Variants in PIK3C2G observed in about 807,000 individuals in gnomAD.
PIK3C2G encodes phosphatidylinositol-4-phosphate 3-kinase catalytic subunit type 2 gamma, also known as phosphatidylinositol 3-kinase C2 domain-containing subunit gamma.
Under a neutral mutation model 181.1 loss-of-function variants are expected in PIK3C2G, and 168 were observed. That is an observed-to-expected ratio of 0.93 (90% CI 0.82 to 1.05). The LOEUF is 1.05. Ranked by LOEUF, PIK3C2G falls within the 50% of genes least tolerant of loss-of-function variation. The pLI, the probability that PIK3C2G is intolerant of heterozygous loss-of-function variation, is 0.00. For synonymous variants in PIK3C2G, 573 were observed against 592.2 expected (o/e 0.97, Z 0.47); for missense variants, 1,869 against 1,732.8 (o/e 1.08, Z -1.40).
intron 3 of PIK3C2G, among the ~76,000 whole-genome samples, chr12:18,287,836 G>C (rs1359959470): frequency 2.0e-5 from 3 of 149,538 alleles, no homozygotes; most frequent in African/African-American, 7.4e-5. Flanking sequence ...ACTCCAGCCT[G>C]GGCGACAGAA....
intron 18 of PIK3C2G, among the ~76,000 whole-genome samples, chr12:18,469,360 G>T (rs1193559365): frequency 6.6e-6 from 1 of 152,022 alleles, no homozygotes; most frequent in East Asian, 1.9e-4. Flanking sequence ...TTTCTTACAG[G>T]AAAGAAACGA....
intron 31 of PIK3C2G, among the ~76,000 whole-genome samples, chr12:18,625,362 A>G (rs373913853): frequency 1.3e-5 from 2 of 151,636 alleles, no homozygotes; most frequent in South Asian, 4.1e-4. Flanking sequence ...TTCTACTCAC[A>G]TATCATTGTG....
the PIK3C2G span, chr12:18,714,940 T>C: frequency 1.3e-5 from 2 of 151,730 alleles, no homozygotes; most frequent in South Asian, 2.1e-4. Context: ...CAAGTACTTA[T>C]ATAAAATCAG....
chr12:18,607,951 T>C (rs77449986), intron 30 of PIK3C2G, among the ~76,000 whole-genome samples: 24,175 of 151,990 alleles, frequency 0.16, 2,162 homozygotes, highest in East Asian at 0.2. Context: ...CATGAAAAAA[T>C]GCTCATCATC....
At chr12:18,556,737 A>C (rs1056675668) in intron 26 of PIK3C2G, among the ~76,000 whole-genome samples, 1 of 152,156 alleles carries the variant, frequency 6.6e-6, no homozygotes, top group Non-Finnish European at 1.5e-5. Context: ...GCTGATGAAG[A>C]AATAATGTTT....
chr12:18,641,137 G>C (rs1047079311), intron 32 of PIK3C2G, among the ~76,000 whole-genome samples: 4 of 151,876 alleles, frequency 2.6e-5, no homozygotes, highest in Admixed American at 2.0e-4. Context: ...TCTTATGGCT[G>C]TCTCATCCAC....
At chr12:18,657,866 A>G in the PIK3C2G span, among the ~76,000 whole-genome samples, 1 of 152,290 alleles carries the variant, frequency 6.6e-6, no homozygotes, top group African/African-American at 2.4e-5. Flanking sequence ...AAGCTCATCT[A>G]TTGGACTTAC....
intron 31 of PIK3C2G, among the ~76,000 whole-genome samples, chr12:18,637,022 G>C (rs1949633862): frequency 1.3e-5 from 2 of 152,158 alleles, no homozygotes; most frequent in Admixed American, 1.3e-4. Context: ...CCCACTGTGA[G>C]ACAGACATGA....
chr12:18,256,976 A>G (rs1470669863), upstream of PIK3C2G, among the ~76,000 whole-genome samples: 2 of 152,080 alleles, frequency 1.3e-5, no homozygotes, highest in Non-Finnish European at 2.9e-5. Flanking sequence ...TGTTGGCAGG[A>G]CAACTCTTCC....
At chr12:18,385,021 GA>G (rs1437414716) in intron 14 of PIK3C2G, among the ~76,000 whole-genome samples, 1 of 152,028 alleles carries the variant, frequency 6.6e-6, no homozygotes, top group Non-Finnish European at 1.5e-5. Context: ...ATGAGATGGT[GA>G]AATTACAACC....
At chr12:18,351,127 C>T (rs563676440) in intron 11 of PIK3C2G, among the ~76,000 whole-genome samples, 355 of 151,910 alleles carry the variant, frequency 2.3e-3, no homozygotes, top group Non-Finnish European at 3.5e-3. Flanking sequence ...TGAGATGCAA[C>T]TTAGAAAACA....
At chr12:18,424,933 T>C in intron 18 of PIK3C2G, 1 of 206,514 alleles carries the variant, frequency 4.8e-6, no homozygotes, top group Non-Finnish European at 1.1e-5. Flanking sequence ...ATATGGCATG[T>C]CCAACGTTCA....
intron 32 of PIK3C2G, among the ~76,000 whole-genome samples, chr12:18,644,335 G>T (rs1045289167): frequency 6.6e-6 from 1 of 151,972 alleles, no homozygotes; most frequent in Admixed American, 6.6e-5. Flanking sequence ...CTCTTTCCAC[G>T]CCACTACTTT....
chr12:18,557,296 C>T (rs1945063266), intron 26 of PIK3C2G, among the ~76,000 whole-genome samples: 1 of 151,056 alleles, frequency 6.6e-6, no homozygotes, highest in Non-Finnish European at 1.5e-5. Flanking sequence ...TAATACGATC[C>T]CAGAGAATTG....
In PIK3C2G at chr12:18,290,953, A is replaced by G; in HGVS notation, c.860A>G (p.Lys287Arg). The stretch of plus-strand genomic sequence containing the variant: ...CCGTATCAGCTCTTTTCTAAGACCA[A>G]GTTTAATATACATATTTTTATTGAT... The part of the protein sequence containing the change: ...AFPYQLFSKT[K>R]FNIHIFIDNS... The change falls in exon 4 of 33, where the codon AAG becomes AGG. Residue 287 changes from lysine (K) to arginine (R), a missense_variant. Transcript: ENST00000538779. 6.3e-7 allele frequency: 1 copy of G among 1,591,912 alleles called. No homozygotes were observed. The highest frequency in any genetic ancestry group is 1.1e-5 in the South Asian group (1 of 90,570).
chr12:18,652,899 G>T (rs190275837), downstream of PIK3C2G, among the ~76,000 whole-genome samples: 3 of 151,742 alleles, frequency 2.0e-5, no homozygotes, highest in African/African-American at 7.3e-5. Context: ...ACATATATAT[G>T]TATATGTTCA....
intron 21 of PIK3C2G, among the ~76,000 whole-genome samples, chr12:18,496,446 T>C (rs1031148248): frequency 2.6e-5 from 4 of 152,172 alleles, no homozygotes; most frequent in African/African-American, 4.8e-5. Flanking sequence ...TAAAGTTGAA[T>C]GTGAGGAAAG....
chr12:18,470,254 A>T (rs1938332081), intron 18 of PIK3C2G, among the ~76,000 whole-genome samples: 1 of 152,128 alleles, frequency 6.6e-6, no homozygotes. Flanking sequence ...GGGTTGAGTT[A>T]GTCAAGGCCA....
At chr12:18,395,753 G>C (rs1943847259) in intron 15 of PIK3C2G, among the ~76,000 whole-genome samples, 2 of 151,296 alleles carry the variant, frequency 1.3e-5, no homozygotes, top group South Asian at 4.2e-4. Context: ...GAAGTAAACT[G>C]TTCCAAGTTT....
Sources: allele counts gnomAD v4.1 joint callset (sites outside exome capture counted in the v4.1 genomes callset), GRCh38; gene constraint gnomAD v4.1.1; transcripts MANE v1.5; gene names NCBI Gene and HGNC (gene_info 2026-07-23, HGNC 2026-07-21).